SAMD5: variants seen among roughly 807,000 people sequenced by gnomAD.
The protein encoded by SAMD5 is sterile alpha motif domain-containing protein 5.
In SAMD5, 13 loss-of-function variants were observed where a neutral mutation model predicts 11.3. The observed-to-expected ratio is 1.15, with a 90% confidence interval of 0.75 to 1.83. The LOEUF is 1.83. Among genes scored for constraint, SAMD5 ranks in the 40% most tolerant of loss-of-function variants. The pLI, the probability that SAMD5 is intolerant of heterozygous loss-of-function variation, is 0.00. For missense variants in SAMD5, 255 were observed against 239.1 expected (o/e 1.07, Z -0.44); for synonymous variants, 129 against 111.3 (o/e 1.16, Z -1.00).
intron 1 of SAMD5, among the ~76,000 whole-genome samples, chr6:147,522,462 C>T (rs1788268897): frequency 6.6e-6 from 1 of 151,974 alleles, no homozygotes; most frequent in Non-Finnish European, 1.5e-5. Context: ...TAATCGAGAG[C>T]TTTTTAAACT....
chr6:147,660,295 T>G (rs1024456845), intron 1 of SAMD5, among the ~76,000 whole-genome samples: 25 of 152,200 alleles, frequency 1.6e-4, no homozygotes, highest in African/African-American at 6.0e-4. Context: ...GGATGTTGTC[T>G]GTATGGTAAT....
At chr6:147,896,450 G>A in the SAMD5 span, among the ~76,000 whole-genome samples, 2 of 152,154 alleles carry the variant, frequency 1.3e-5, no homozygotes, top group African/African-American at 4.8e-5. Context: ...GTGCTAAATA[G>A]GCTGATCTCA....
chr6:147,656,898 A>ATGTGTGTG (rs1562344633), intron 1 of SAMD5, among the ~76,000 whole-genome samples: 2 of 51,346 alleles, frequency 3.9e-5, no homozygotes, highest in African/African-American at 7.9e-5. Context: ...AATACAGTAT[A>ATGTGTGTG]CGTGTGTGTG....
chr6:147,896,731 C>T, the SAMD5 span, among the ~76,000 whole-genome samples: 1 of 25,238 alleles, frequency 4.0e-5, no homozygotes, highest in African/African-American at 1.8e-4. Context: ...TAGAAAAGAA[C>T]ATTAACCAAA....
chr6:147,557,643 T>A (rs746195850), intron 1 of SAMD5, among the ~76,000 whole-genome samples: 2 of 152,226 alleles, frequency 1.3e-5, no homozygotes, highest in Non-Finnish European at 2.9e-5. Context: ...AAATCCAGGA[T>A]AATTTCATCT....
chr6:147,510,671 A>T (rs985086925), intron 1 of SAMD5, among the ~76,000 whole-genome samples: 2 of 152,238 alleles, frequency 1.3e-5, no homozygotes, highest in African/African-American at 4.8e-5. Context: ...CCTAAGGTAG[A>T]TGGGAATAAG....
At chr6:147,860,721 C>A in the SAMD5 span, among the ~76,000 whole-genome samples, 1 of 152,284 alleles carries the variant, frequency 6.6e-6, no homozygotes, top group African/African-American at 2.4e-5. Context: ...CTAATAGGAA[C>A]ACAAGAATTA....
chr6:147,801,099 T>G, the SAMD5 span, among the ~76,000 whole-genome samples: 1 of 152,194 alleles, frequency 6.6e-6, no homozygotes, highest in Non-Finnish European at 1.5e-5. Flanking sequence ...CATACGGTGC[T>G]CCTTTAGATA....
the SAMD5 span, among the ~76,000 whole-genome samples, chr6:147,949,699 C>T: frequency 1.3e-5 from 2 of 152,160 alleles, no homozygotes; most frequent in Non-Finnish European, 2.9e-5. Context: ...TGGATTTCCA[C>T]TCCTGGGTAA....
intron 1 of SAMD5, among the ~76,000 whole-genome samples, chr6:147,610,283 C>G (rs1789763188): frequency 6.6e-6 from 1 of 152,150 alleles, no homozygotes; most frequent in Non-Finnish European, 1.5e-5. Flanking sequence ...TTATTCCTAA[C>G]TGATCTACCC....
In SAMD5 at chr6:147,673,903, G is replaced by A. The variant is rs192810126; in HGVS notation, c.163-63414G>A. ...TTTGTCAGAAAAAAAAGGATAATGG[G>A]TTAGAGGTCTTCAGGTATTTGGGTA... On this transcript the variant is annotated intron_variant, in intron 1 of 1. Transcript: ENST00000566741. Among the ~76,000 whole-genome samples, 798 of 152,158 alleles carry A rather than the reference G, an allele frequency of 5.2e-3. 9 individuals carry two copies. Among genetic ancestry groups the A allele is most frequent in the African/African-American group, 0.018 (759 of 41,522 alleles).
At chr6:147,512,222 T>A (rs2128438996) in intron 1 of SAMD5, among the ~76,000 whole-genome samples, 1 of 152,162 alleles carries the variant, frequency 6.6e-6, no homozygotes, top group South Asian at 2.1e-4. Context: ...CCTCCCAGAG[T>A]GCTGGGATTA....
At chr6:147,599,581 T>A (rs1789585273) in intron 1 of SAMD5, among the ~76,000 whole-genome samples, 1 of 152,192 alleles carries the variant, frequency 6.6e-6, no homozygotes, top group Non-Finnish European at 1.5e-5. Context: ...AAAGGACATG[T>A]CCACATACTT....
chr6:147,590,094 T>C (rs1789431793), intron 1 of SAMD5, among the ~76,000 whole-genome samples: 1 of 152,194 alleles, frequency 6.6e-6, no homozygotes. Context: ...GAAATTCACT[T>C]ACTCTTAAAG....
At chr6:147,746,645 T>C in the SAMD5 span, among the ~76,000 whole-genome samples, 1 of 152,156 alleles carries the variant, frequency 6.6e-6, no homozygotes, top group East Asian at 1.9e-4. Context: ...CAGATATGTC[T>C]TCATAGCCAG....
chr6:147,854,111 C>T, the SAMD5 span, among the ~76,000 whole-genome samples: 1 of 152,112 alleles, frequency 6.6e-6, no homozygotes, highest in African/African-American at 2.4e-5. Flanking sequence ...AGGCCTGAGT[C>T]TGGAAGGAGG....
the SAMD5 span, among the ~76,000 whole-genome samples, chr6:147,850,122 T>C: frequency 1.3e-5 from 2 of 152,224 alleles, no homozygotes; most frequent in Non-Finnish European, 2.9e-5. Flanking sequence ...AACAGTGTCA[T>C]GAATGCTGTT....
chr6:147,827,588 T>C, the SAMD5 span, among the ~76,000 whole-genome samples: 1 of 152,172 alleles, frequency 6.6e-6, no homozygotes, highest in East Asian at 1.9e-4. Flanking sequence ...AACTTCATGT[T>C]CTGTGAATGC....
chr6:147,820,832 A>G, the SAMD5 span, among the ~76,000 whole-genome samples: 3 of 152,164 alleles, frequency 2.0e-5, no homozygotes, highest in East Asian at 1.9e-4. Context: ...AAGCTTCACA[A>G]TGGGCTCGCT....
Sources: allele counts gnomAD v4.1 joint callset (sites outside exome capture counted in the v4.1 genomes callset), GRCh38; gene constraint gnomAD v4.1.1; transcripts MANE v1.5; gene names NCBI Gene and HGNC (gene_info 2026-07-23, HGNC 2026-07-21).